The following MGAT4C variants were observed in gnomAD, a reference collection of about 807,000 sequenced individuals.
MGAT4C encodes the protein alpha-1,3-mannosyl-glycoprotein 4-beta-N-acetylglucosaminyltransferase C.
In MGAT4C, 19 loss-of-function variants were observed where a neutral mutation model predicts 40.1. The observed-to-expected ratio is 0.47, with a 90% CI of 0.33 to 0.70. The LOEUF (loss-of-function observed/expected upper bound fraction) is 0.70, where lower values mean the gene tolerates loss of function less well. Ranked by LOEUF, MGAT4C falls within the 30% of genes least tolerant of loss-of-function variation. The pLI is 0.02. For missense variants in MGAT4C, 491 were observed against 563.2 expected, an observed-to-expected ratio of 0.87 and a Z score of 1.30; for synonymous variants, 181 against 187.1, an observed-to-expected ratio of 0.97 and a Z score of 0.27.
chr12:86,557,091 T>C (rs376103208), intron 2 of MGAT4C, among the ~76,000 whole-genome samples: 2 of 152,204 alleles, frequency 1.3e-5, no homozygotes, highest in Non-Finnish European at 2.9e-5. Flanking sequence ...ATTTTCTTCA[T>C]TGTTTTTATA....
At position 86,366,234 on chromosome 12, in the gene MGAT4C, T is replaced by C. The variant is rs184975260; in HGVS notation, c.-119-32107A>G. 2.0e-5 allele frequency among the ~76,000 whole-genome samples: 3 copies of C among 152,318 alleles called. No individual in the cohort carries two copies. The East Asian group carries it at 5.8e-4, about 29-fold the overall frequency. The stretch of plus-strand genomic sequence containing the variant: ...ATAGAAATGTTACTGATTTTGTACA[T>C]TGATTTTGCATCCTGAAACTTTACT... On this transcript the variant is annotated intron_variant, in intron 3 of 7. Transcript: ENST00000548651.
intron 2 of MGAT4C, among the ~76,000 whole-genome samples, chr12:86,656,771 C>T (rs949581158): frequency 9.9e-5 from 15 of 151,922 alleles, no homozygotes; most frequent in African/African-American, 3.4e-4. Flanking sequence ...ATGCTCTCAG[C>T]CAAGTGTGTC....
chr12:85,981,300 C>G (rs1450366025), intron 4 of MGAT4C, among the ~76,000 whole-genome samples: 2 of 152,078 alleles, frequency 1.3e-5, no homozygotes, highest in Non-Finnish European at 1.5e-5. Flanking sequence ...AATATTTTCA[C>G]TTTTTAAAGC....
At chr12:86,568,127 C>T (rs935205896) in intron 2 of MGAT4C, among the ~76,000 whole-genome samples, 1 of 151,994 alleles carries the variant, frequency 6.6e-6, no homozygotes, top group Non-Finnish European at 1.5e-5. Flanking sequence ...AGCATTGTTC[C>T]TGGGTTTGTC....
At chr12:86,242,142 T>C (rs1951817372) in intron 1 of MGAT4C, among the ~76,000 whole-genome samples, 1 of 152,154 alleles carries the variant, frequency 6.6e-6, no homozygotes, top group Admixed American at 6.5e-5. Context: ...TGGAGTGAGA[T>C]TTAAATTCTG....
chr12:86,490,203 C>T (rs1345831156), intron 2 of MGAT4C, among the ~76,000 whole-genome samples: 5 of 152,056 alleles, frequency 3.3e-5, no homozygotes, highest in Non-Finnish European at 5.9e-5. Context: ...AAGGGAAGCC[C>T]GTCAGACTAA....
At chr12:86,172,204 A>G (rs1886923349) in intron 1 of MGAT4C, among the ~76,000 whole-genome samples, 1 of 152,162 alleles carries the variant, frequency 6.6e-6, no homozygotes, top group Admixed American at 6.6e-5. Flanking sequence ...ATTATCATGG[A>G]CATAATAATT....
At chr12:86,329,441 A>G (rs2897278) in intron 4 of MGAT4C, among the ~76,000 whole-genome samples, 102,598 of 152,006 alleles carry the variant, frequency 0.67, 35,231 homozygotes, top group South Asian at 0.78. Flanking sequence ...ACTTTTATCC[A>G]TAGCAGCTGT....
intron 2 of MGAT4C, among the ~76,000 whole-genome samples, chr12:86,496,140 T>G (rs1446176804): frequency 6.6e-6 from 1 of 151,952 alleles, no homozygotes; most frequent in East Asian, 1.9e-4. Flanking sequence ...CCTAGATAAT[T>G]GTTCCCTCCT....
intron 4 of MGAT4C, among the ~76,000 whole-genome samples, chr12:86,290,135 C>T (rs1413957868): frequency 6.6e-6 from 1 of 152,050 alleles, no homozygotes; most frequent in African/African-American, 2.4e-5. Context: ...CAACCTCTGC[C>T]TCCCAGGTTC....
intron 1 of MGAT4C, among the ~76,000 whole-genome samples, chr12:86,826,864 T>C (rs944602319): frequency 8.6e-5 from 13 of 151,414 alleles, no homozygotes; most frequent in Non-Finnish European, 1.5e-4. Flanking sequence ...TTTTAGTCTA[T>C]GTATATTTGT....
At chr12:86,043,004 C>A (rs1488433476) in intron 2 of MGAT4C, among the ~76,000 whole-genome samples, 1 of 152,072 alleles carries the variant, frequency 6.6e-6, no homozygotes, top group Non-Finnish European at 1.5e-5. Context: ...CTGCATTTAA[C>A]CTTTCTTCTT....
At chr12:86,284,084 G>T (rs535292895) in intron 4 of MGAT4C, among the ~76,000 whole-genome samples, 1 of 152,082 alleles carries the variant, frequency 6.6e-6, no homozygotes, top group African/African-American at 2.4e-5. Context: ...AAATGCACTG[G>T]CTAAAAGACC....
intron 1 of MGAT4C, among the ~76,000 whole-genome samples, chr12:86,195,924 C>G (rs1949783960): frequency 6.6e-6 from 1 of 152,026 alleles, no homozygotes; most frequent in Non-Finnish European, 1.5e-5. Flanking sequence ...CCATATTATT[C>G]CCATATTATA....
At chr12:86,559,263 T>A (rs946215431) in intron 2 of MGAT4C, among the ~76,000 whole-genome samples, 1 of 151,964 alleles carries the variant, frequency 6.6e-6, no homozygotes, top group Non-Finnish European at 1.5e-5. Flanking sequence ...AGATTAGGTA[T>A]GCAAAATATT....
At chr12:86,755,055 T>C (rs1951279488) in intron 1 of MGAT4C, among the ~76,000 whole-genome samples, 1 of 152,188 alleles carries the variant, frequency 6.6e-6, no homozygotes, top group Non-Finnish European at 1.5e-5. Flanking sequence ...AATCTGTATG[T>C]TGCTGTGAAG....
At chr12:86,705,227 TATC>T in intron 2 of MGAT4C, among the ~76,000 whole-genome samples, 1 of 137,278 alleles carries the variant, frequency 7.3e-6, no homozygotes, top group Non-Finnish European at 1.6e-5. Context: ...TCTATCTATC[TATC>T]TATCTATCTA....
intron 2 of MGAT4C, among the ~76,000 whole-genome samples, chr12:86,555,739 A>T (rs747156583): frequency 1.3e-5 from 2 of 152,046 alleles, no homozygotes; most frequent in East Asian, 1.9e-4. Context: ...CGCCCTTTTG[A>T]CCCCCACATT....
At chr12:86,573,642 T>C (rs983081890) in intron 2 of MGAT4C, among the ~76,000 whole-genome samples, 47 of 152,038 alleles carry the variant, frequency 3.1e-4, no homozygotes, top group African/African-American at 1.1e-3. Flanking sequence ...TTCTTTACTA[T>C]TCTGTAAAGA....
Sources: gnomAD v4.1 joint callset for allele counts (sites outside exome capture counted in the v4.1 genomes callset) on GRCh38, gnomAD v4.1.1 for gene constraint, MANE v1.5 for transcripts, NCBI Gene and HGNC (gene_info 2026-07-23, HGNC 2026-07-21) for gene names.